PCED1B: variants seen among roughly 807,000 people sequenced by gnomAD.
PCED1B encodes PC-esterase domain-containing protein 1B.
For synonymous variants in PCED1B, 251 were observed against 246.1 expected, an observed-to-expected ratio of 1.02 and a Z score of -0.19; for missense variants, 573 against 573.9, an observed-to-expected ratio of 1.00 and a Z score of 0.02.
chr12:47,156,851 C>G (rs1057395928), intron 2 of PCED1B, among the ~76,000 whole-genome samples: 1 of 152,122 alleles, frequency 6.6e-6, no homozygotes. Context: ...TACTTACTAG[C>G]TGTGATCTTG....
At chr12:47,211,998 C>G (rs183184633) in intron 2 of PCED1B, among the ~76,000 whole-genome samples, 2 of 150,736 alleles carry the variant, frequency 1.3e-5, no homozygotes, top group East Asian at 3.9e-4. Context: ...TGGCGTGAAC[C>G]CGGGAGGCGG....
chr12:47,179,995 A>G (rs1942043735), intron 2 of PCED1B, among the ~76,000 whole-genome samples: 2 of 152,116 alleles, frequency 1.3e-5, no homozygotes, highest in African/African-American at 2.4e-5. Context: ...GGTTTGTTAC[A>G]TATGCAAACA....
intron 2 of PCED1B, among the ~76,000 whole-genome samples, chr12:47,186,921 C>A (rs1942288506): frequency 6.6e-6 from 1 of 152,110 alleles, no homozygotes; most frequent in Non-Finnish European, 1.5e-5. Context: ...AAACCAAGAA[C>A]AACCAATTGA....
At chr12:47,094,814 A>G (rs898500222) in intron 1 of PCED1B, among the ~76,000 whole-genome samples, 4 of 152,022 alleles carry the variant, frequency 2.6e-5, no homozygotes, top group African/African-American at 9.7e-5. Flanking sequence ...ACAAATATCC[A>G]TGTTTACCCT....
chr12:47,161,706 G>A (rs60828538), intron 2 of PCED1B, among the ~76,000 whole-genome samples: 2,798 of 152,258 alleles, frequency 0.018, 86 homozygotes, highest in African/African-American at 0.062. Context: ...ACAGTGTGGC[G>A]ATTCCTCAAG....
chr12:47,197,627 A>G (rs1281788911), intron 2 of PCED1B, among the ~76,000 whole-genome samples: 1 of 151,638 alleles, frequency 6.6e-6, no homozygotes, highest in South Asian at 2.1e-4. Flanking sequence ...AAATAAATAA[A>G]TAATAAAATA....
rs1240213830 is a variant in PCED1B at position 47,236,507 on chromosome 12, C to G, written c.*145C>G. 1 of 836,702 alleles carries G rather than the reference C, an allele frequency of 1.2e-6. No individual in the cohort carries two copies. The highest frequency in any genetic ancestry group is 1.7e-5 in the African/African-American group (1 of 57,640). 51.8% of individuals were successfully genotyped at this position (836,702 alleles called of 1,614,324 possible). A position where few individuals can be genotyped will look rare whatever the true frequency, so the allele number is the denominator to read the frequency against. ...TCTTCCTTTTGTTCATTGCTGTTAC[C>G]AAGAAAGCCAAGGAAGAGCAGCCTG... On this transcript the variant is annotated 3_prime_UTR_variant, in exon 4 of 4. Transcript: ENST00000546455.
chr12:47,150,249 C>T (rs1940939915), intron 2 of PCED1B, among the ~76,000 whole-genome samples: 1 of 151,904 alleles, frequency 6.6e-6, no homozygotes, highest in Non-Finnish European at 1.5e-5. Context: ...AAAACAAAGC[C>T]CTGGTGGAGC....
chr12:47,134,184 T>G (rs1050543550), intron 2 of PCED1B, among the ~76,000 whole-genome samples: 9 of 152,230 alleles, frequency 5.9e-5, no homozygotes, highest in Non-Finnish European at 1.2e-4. Context: ...CATGACATCA[T>G]GGGCATTTTG....
rs77340066 is a variant in PCED1B, at chr12:47,107,440, G to A, written c.-526+3245G>A. Among the ~76,000 whole-genome samples, 925 of 152,304 alleles carry A rather than the reference G, an allele frequency of 6.1e-3. 5 individuals carry two copies. Among genetic ancestry groups the A allele is most frequent in the African/African-American group, 0.02 (838 of 41,546 alleles). ...GGAGGGAGCTGATAGATGGCAGGCCGAAGGGCCCAAATTTAAGAGAGTAAA... is the reference window on the plus strand; with the variant it reads ...GGAGGGAGCTGATAGATGGCAGGCCAAAGGGCCCAAATTTAAGAGAGTAAA... On this transcript the variant is annotated intron_variant, in intron 2 of 3. Coordinates refer to ENST00000546455, the MANE Select transcript of PCED1B (RefSeq NM_138371.3).
rs546876961 is a variant in PCED1B at position 47,099,385 on chromosome 12, G to A, written c.-608-4728G>A. Among the ~76,000 whole-genome samples the A allele has an allele frequency of 4.6e-5, 7 of 152,018 alleles. 1 individual carries two copies. The highest frequency in any genetic ancestry group is 2.0e-4 in the Admixed American group (3 of 15,254). On this transcript the variant is annotated intron_variant, in intron 1 of 3. Transcript: ENST00000546455. Reference sequence around the variant, plus strand: ...AAGCTTTTCCTTCCTGCCACACTCCGCACACCACATACTACATAAGCTCTT... The same window carrying A: ...AAGCTTTTCCTTCCTGCCACACTCCACACACCACATACTACATAAGCTCTT...
At chr12:47,147,451 C>A (rs1940834217) in intron 2 of PCED1B, among the ~76,000 whole-genome samples, 3 of 152,156 alleles carry the variant, frequency 2.0e-5, no homozygotes, top group African/African-American at 7.2e-5. Context: ...CATCTGAGAT[C>A]TCCTCAGAAT....
intron 2 of PCED1B, among the ~76,000 whole-genome samples, chr12:47,212,782 T>C (rs1050854049): frequency 2.0e-5 from 3 of 152,226 alleles, no homozygotes; most frequent in African/African-American, 7.2e-5. Flanking sequence ...TACCAAGCAG[T>C]CTGCTTAGCA....
intron 3 of PCED1B, among the ~76,000 whole-genome samples, chr12:47,222,886 G>T (rs1943527410): frequency 6.6e-6 from 1 of 152,166 alleles, no homozygotes; most frequent in Non-Finnish European, 1.5e-5. Context: ...ATGGTCCGTT[G>T]TAACCATCCA....
intron 3 of PCED1B, among the ~76,000 whole-genome samples, chr12:47,224,270 C>T (rs979155202): frequency 1.3e-5 from 2 of 152,146 alleles, no homozygotes; most frequent in Non-Finnish European, 2.9e-5. Context: ...ATAGTTTTAT[C>T]TTTGGTTTTT....
chr12:47,201,817 C>T lies in PCED1B; in HGVS notation c.-525-14405C>T, dbSNP rs113151802. On this transcript the variant is annotated intron_variant, in intron 2 of 3. Transcript: ENST00000546455. ...GTCTCACCATGTTGCCCAGGCTGGTCTTGAACTCCTGAGCTCAAGTGTTCT... is the reference window on the plus strand; with the variant it reads ...GTCTCACCATGTTGCCCAGGCTGGTTTTGAACTCCTGAGCTCAAGTGTTCT... Among the ~76,000 whole-genome samples the T allele has an allele frequency of 2.0e-3, 310 of 152,150 alleles. 3 individuals carry two copies. Among genetic ancestry groups the T allele is most frequent in the South Asian group, 0.02 (95 of 4,822 alleles).
At position 47,104,096 on chromosome 12, in the gene PCED1B, C is replaced by G. The variant is rs1028341478; in HGVS notation, c.-608-17C>G. 34 of 152,096 alleles carry G rather than the reference C, an allele frequency of 2.2e-4. No individual in the cohort carries two copies. The highest frequency in any genetic ancestry group is 8.5e-4 in the Admixed American group (13 of 15,266). The allele number at this position is 152,096 out of a possible 1,614,324, so 9.4% of individuals were successfully genotyped here. A position where few individuals can be genotyped will look rare whatever the true frequency, so the allele number is the denominator to read the frequency against. On this transcript the variant is annotated splice_polypyrimidine_tract_variant and intron_variant, in intron 1 of 3. Transcript: ENST00000546455. Reference sequence around the variant, plus strand: ...GATGGAAAATGAATAATTAAACATGCCATTTTCACATTTCAGGTAATGAGA... The same window carrying G: ...GATGGAAAATGAATAATTAAACATGGCATTTTCACATTTCAGGTAATGAGA...
At chr12:47,081,716 G>C (rs1199331719) in intron 1 of PCED1B, among the ~76,000 whole-genome samples, 1 of 152,184 alleles carries the variant, frequency 6.6e-6, no homozygotes, top group African/African-American at 2.4e-5. Flanking sequence ...AAATCGCTCA[G>C]AGGAATATTT....
chr12:47,089,471 T>TATATATATATATATATATATAC (rs1938161831), intron 1 of PCED1B, among the ~76,000 whole-genome samples: 1 of 88,410 alleles, frequency 1.1e-5, no homozygotes, highest in Non-Finnish European at 2.2e-5. Context: ...CATATATATA[T>TATATATATATATATATATATAC]ATATATATAT....
Sources: allele counts gnomAD v4.1 joint callset (sites outside exome capture counted in the v4.1 genomes callset), GRCh38; gene constraint gnomAD v4.1.1; transcripts MANE v1.5; gene names NCBI Gene and HGNC (gene_info 2026-07-23, HGNC 2026-07-21).